The following MYO18B variants were observed in gnomAD, a reference collection of about 807,000 sequenced individuals.
The protein encoded by MYO18B is myosin XVIIIB, also known as unconventional myosin-XVIIIb.
Under a neutral mutation model 273.0 loss-of-function variants are expected in MYO18B, and 204 were observed. The ratio of observed to expected loss-of-function variants is 0.75; its 90% CI spans 0.67 to 0.84. MYO18B has a LOEUF of 0.84. MYO18B is among the 40% of genes least tolerant of loss of function. The pLI, the probability that MYO18B is intolerant of heterozygous loss-of-function variation, is 0.00. For missense variants in MYO18B, 3,212 were observed against 3,287.6 expected, an observed-to-expected ratio of 0.98 and a Z score of 0.56; for synonymous variants, 1,330 against 1,305.7, an observed-to-expected ratio of 1.02 and a Z score of -0.40.
At chr22:25,863,390 C>T (rs1327404799) in intron 21 of MYO18B, among the ~76,000 whole-genome samples, 1 of 152,182 alleles carries the variant, frequency 6.6e-6, no homozygotes, top group East Asian at 1.9e-4. Flanking sequence ...GTTTATTGCA[C>T]ATCCTGTCAT....
intron 25 of MYO18B, among the ~76,000 whole-genome samples, chr22:25,887,800 A>C (rs2091546654): frequency 1.3e-5 from 2 of 152,152 alleles, no homozygotes; most frequent in African/African-American, 4.8e-5. Context: ...GAAAAGACTA[A>C]TTGTCCTTTG....
At chr22:25,978,378 G>A (rs1316339325) in intron 39 of MYO18B, among the ~76,000 whole-genome samples, 1 of 152,162 alleles carries the variant, frequency 6.6e-6, no homozygotes, top group African/African-American at 2.4e-5. Flanking sequence ...AGGCACAGAG[G>A]CATCAAAGAA....
chr22:25,890,927 T>C, intron 26 of MYO18B, 52 bp downstream of exon 26: 1 of 1,589,200 alleles, frequency 6.3e-7, no homozygotes, highest in East Asian at 2.3e-5. Context: ...CTAAAAATGG[T>C]TGGGTCTGCT....
intron 39 of MYO18B, among the ~76,000 whole-genome samples, chr22:25,985,638 T>C (rs1455653993): frequency 6.9e-6 from 1 of 144,926 alleles, no homozygotes; most frequent in Non-Finnish European, 1.5e-5. Flanking sequence ...TTTATTTTTA[T>C]TTTTTTTTTG....
At chr22:25,786,492 CAA>C (rs35847281) in intron 11 of MYO18B, among the ~76,000 whole-genome samples, 26 of 142,294 alleles carry the variant, frequency 1.8e-4, no homozygotes, top group African/African-American at 4.7e-4. Flanking sequence ...TATCCTGGTG[CAA>C]AAAAAAAAAA....
intron 39 of MYO18B, chr22:25,959,197 C>G (rs1366861097): frequency 6.6e-6 from 1 of 151,726 alleles, no homozygotes; most frequent in Non-Finnish European, 1.5e-5. Flanking sequence ...CACCAAATCT[C>G]TCTCCCATGC....
Position 25,932,658 on chromosome 22 carries a change from C to T in MYO18B, c.5517+11249C>T, listed in dbSNP as rs538848593. ...CTCCCGACCTCAGGTGATCTGTCCACCTCGGCCTCCCAAAGTGCTGGGATT... is the reference window on the plus strand; with the variant it reads ...CTCCCGACCTCAGGTGATCTGTCCATCTCGGCCTCCCAAAGTGCTGGGATT... On this transcript the variant is annotated intron_variant, in intron 34 of 43. Coordinates refer to ENST00000335473, the MANE Select transcript of MYO18B (RefSeq NM_032608.7). Among the ~76,000 whole-genome samples, 4 of 152,254 alleles carry T rather than the reference C, an allele frequency of 2.6e-5. No individual in the cohort carries two copies. In the East Asian group the frequency reaches 7.7e-4, roughly 29 times the overall value.
intron 19 of MYO18B, 87 bp downstream of exon 19, chr22:25,846,370 C>T: frequency 7.7e-6 from 11 of 1,435,840 alleles, no homozygotes; most frequent in Non-Finnish European, 1.0e-5. Context: ...CCTACATCAT[C>T]TCTAACCTCC....
At chr22:25,921,496 G>C (rs2092341683) in intron 34 of MYO18B, 87 bp downstream of exon 34, 5 of 1,462,868 alleles carry the variant, frequency 3.4e-6, no homozygotes, top group Non-Finnish European at 4.6e-6. Context: ...GGTATGAGCG[G>C]AACCATGGTG....
chr22:25,946,551 T>G (rs1351980321), intron 35 of MYO18B, among the ~76,000 whole-genome samples: 1 of 152,162 alleles, frequency 6.6e-6, no homozygotes, highest in Non-Finnish European at 1.5e-5. Context: ...AACTGTGTGT[T>G]CCCATCTGCA....
intron 12 of MYO18B, among the ~76,000 whole-genome samples, chr22:25,814,733 A>G (rs756229353): frequency 2.6e-5 from 4 of 152,158 alleles, no homozygotes; most frequent in Non-Finnish European, 4.4e-5. Flanking sequence ...ACTAGCAATA[A>G]CAATGACAGT....
intron 11 of MYO18B, among the ~76,000 whole-genome samples, chr22:25,787,272 GCACACACACACACACACACACACA>G (rs10598069): frequency 7.3e-6 from 1 of 136,582 alleles, no homozygotes; most frequent in Admixed American, 7.1e-5. Context: ...GCAGGCGCGC[GCACACACACACACACACACACACA>G]CACACACACA....
At chr22:25,986,627 T>C (rs917258491) in intron 39 of MYO18B, among the ~76,000 whole-genome samples, 1 of 152,228 alleles carries the variant, frequency 6.6e-6, no homozygotes, top group African/African-American at 2.4e-5. Context: ...TTGTTAAACA[T>C]TTAAGGATAT....
chr22:25,878,076 T>TG, intron 25 of MYO18B, 28 bp downstream of exon 25: 4 of 1,526,590 alleles, frequency 2.6e-6, no homozygotes, highest in Non-Finnish European at 3.6e-6. Context: ...CTTGGGTCCT[T>TG]GTGGGGGGTC....
intron 34 of MYO18B, among the ~76,000 whole-genome samples, chr22:25,935,108 A>G (rs1175196324): frequency 6.6e-6 from 1 of 152,232 alleles, no homozygotes; most frequent in African/African-American, 2.4e-5. Flanking sequence ...TGGCCACCGC[A>G]TGTAGAGTCC....
At chr22:25,925,194 C>G (rs1328399172) in intron 34 of MYO18B, among the ~76,000 whole-genome samples, 1 of 152,108 alleles carries the variant, frequency 6.6e-6, no homozygotes, top group East Asian at 1.9e-4. Context: ...AAGTTAAACA[C>G]CATTTTAAAA....
intron 34 of MYO18B, among the ~76,000 whole-genome samples, chr22:25,929,826 C>G (rs746040711): frequency 2.6e-5 from 4 of 152,116 alleles, no homozygotes; most frequent in Non-Finnish European, 4.4e-5. Context: ...GTTGGCTGGC[C>G]TCTGGTCTTG....
intron 7 of MYO18B, among the ~76,000 whole-genome samples, chr22:25,776,134 G>T (rs2086906310): frequency 6.6e-6 from 1 of 152,212 alleles, no homozygotes; most frequent in South Asian, 2.1e-4. Context: ...AAATGGCATT[G>T]TATGGTATGT....
chr22:25,947,296 G>T (rs2092723347), intron 35 of MYO18B, among the ~76,000 whole-genome samples: 1 of 152,014 alleles, frequency 6.6e-6, no homozygotes, highest in African/African-American at 2.4e-5. Context: ...GGCTGGCCTG[G>T]TGCTTGCTGC....
Sources: gnomAD v4.1 joint callset for allele counts (sites outside exome capture counted in the v4.1 genomes callset) on GRCh38, gnomAD v4.1.1 for gene constraint, MANE v1.5 for transcripts, NCBI Gene and HGNC (gene_info 2026-07-23, HGNC 2026-07-21) for gene names.